CTNNBL1: variants seen among roughly 807,000 people sequenced by gnomAD.
The protein encoded by CTNNBL1 is catenin beta like 1, also known as beta-catenin-like protein 1.
CTNNBL1 carries 31 observed loss-of-function variants against 72.7 expected under a neutral mutation model. The ratio of observed to expected loss-of-function variants is 0.43; its 90% CI spans 0.32 to 0.58. The LOEUF (loss-of-function observed/expected upper bound fraction) is 0.58. Ranked by LOEUF, CTNNBL1 falls within the 20% of genes least tolerant of loss-of-function variation. The pLI, the probability that CTNNBL1 is intolerant of heterozygous loss-of-function variation, is 0.08. For synonymous variants in CTNNBL1, 240 were observed against 267.3 expected (o/e 0.90, Z 1.00); for missense variants, 534 against 725.1 (o/e 0.74, Z 3.03).
chr20:37,829,763 CTGGGAGAGCA>C (rs1385242889), intron 11 of CTNNBL1, among the ~76,000 whole-genome samples: 2 of 152,146 alleles, frequency 1.3e-5, no homozygotes, highest in African/African-American at 4.8e-5. Context: ...GCTCCTCTGG[CTGGGAGAGCA>C]TTTTCTCCAT....
chr20:37,787,595 T>C (rs1004772590), intron 10 of CTNNBL1, among the ~76,000 whole-genome samples: 23 of 152,174 alleles, frequency 1.5e-4, no homozygotes, highest in Admixed American at 6.5e-4. Context: ...CCGCACGCCT[T>C]GGCCTCCCAA....
At chr20:37,764,134 C>T (rs1220826120) in intron 5 of CTNNBL1, among the ~76,000 whole-genome samples, 3 of 152,066 alleles carry the variant, frequency 2.0e-5, no homozygotes, top group African/African-American at 7.2e-5. Flanking sequence ...TAGGGTAAGG[C>T]CTGTTACATA....
chr20:37,768,067 G>A (rs2073486647), intron 7 of CTNNBL1, 23 bp downstream of exon 7: 5 of 1,582,748 alleles, frequency 3.2e-6, no homozygotes, highest in Middle Eastern at 1.7e-4. Context: ...GTGGGGAACT[G>A]CAGCTCACAC....
At chr20:37,810,432 A>C (rs1213939102) in intron 11 of CTNNBL1, among the ~76,000 whole-genome samples, 2 of 151,386 alleles carry the variant, frequency 1.3e-5, no homozygotes, top group South Asian at 4.2e-4. Flanking sequence ...TGGATCTCGC[A>C]TAGCCCAGGT....
chr20:37,756,488 G>C (rs1276024397), intron 4 of CTNNBL1: 6 of 151,466 alleles, frequency 4.0e-5, no homozygotes, highest in Non-Finnish European at 8.8e-5. Context: ...GTGTGTGAGA[G>C]AGAGAGAGAG....
At chr20:37,824,641 A>C (rs900175525) in intron 11 of CTNNBL1, among the ~76,000 whole-genome samples, 1 of 152,270 alleles carries the variant, frequency 6.6e-6, no homozygotes, top group Non-Finnish European at 1.5e-5. Context: ...AAACAAGTCC[A>C]GAGGTCAGCA....
chr20:37,777,459 G>A (rs368643012), intron 8 of CTNNBL1, 42 bp downstream of exon 8: 15 of 1,593,274 alleles, frequency 9.4e-6, no homozygotes, highest in Non-Finnish European at 1.3e-5. Flanking sequence ...TAGGATAGGA[G>A]CCAGGCTTGT....
chr20:37,827,235 C>T (rs2072168320), intron 11 of CTNNBL1, among the ~76,000 whole-genome samples: 1 of 152,172 alleles, frequency 6.6e-6, no homozygotes, highest in African/African-American at 2.4e-5. Flanking sequence ...TTCCATTCTT[C>T]CTATTGACAG....
Position 37,840,019 on chromosome 20 carries a change from C to T in CTNNBL1, c.1214-83C>T, listed in dbSNP as rs143234502. 3.5e-5 allele frequency: 34 copies of T among 966,112 alleles called. No individual in the cohort carries two copies. In the African/African-American group the frequency reaches 5.0e-4, roughly 14 times the overall value. 59.8% of individuals were successfully genotyped at this position (966,112 alleles called of 1,614,324 possible). ...CAGAAAGGCCTACTTATTCTGCCCT[C>T]AATAGAACCAGACGAGGCTTGAAGA... On this transcript the variant is annotated intron_variant, in intron 11 of 15. Coordinates refer to ENST00000361383, the MANE Select transcript of CTNNBL1 (RefSeq NM_030877.5).
chr20:37,825,380 A>AT (rs2072150314), intron 11 of CTNNBL1, among the ~76,000 whole-genome samples: 2 of 151,320 alleles, frequency 1.3e-5, no homozygotes, highest in African/African-American at 4.9e-5. Flanking sequence ...AATAAAATAA[A>AT]AAGAGAAACT....
chr20:37,752,281 G>A (rs1235738585), intron 4 of CTNNBL1, among the ~76,000 whole-genome samples: 1 of 152,068 alleles, frequency 6.6e-6, no homozygotes, highest in Non-Finnish European at 1.5e-5. Context: ...TTTGATCTAG[G>A]ATGGGGATAA....
chr20:37,825,348 G>A (rs1026486712), intron 11 of CTNNBL1, among the ~76,000 whole-genome samples: 14 of 147,226 alleles, frequency 9.5e-5, no homozygotes, highest in South Asian at 6.8e-4. Flanking sequence ...ATGAGACTCC[G>A]TCTCAAAAAA....
intron 1 of CTNNBL1, among the ~76,000 whole-genome samples, chr20:37,731,880 G>A (rs2073131884): frequency 6.6e-6 from 1 of 152,158 alleles, no homozygotes; most frequent in Admixed American, 6.5e-5. Flanking sequence ...AATGAACAGG[G>A]CAGATATCTT....
chr20:37,768,034 A>G lies in CTNNBL1; in HGVS notation c.740A>G (p.Lys247Arg), dbSNP rs756417793. 22 of 1,613,888 alleles carry G rather than the reference A, an allele frequency of 1.4e-5. No homozygotes were observed. The South Asian group carries it at 1.9e-4, about 14-fold the overall frequency. The change falls in exon 7 of 16, where the codon AAG (lysine) becomes AGG (arginine). Residue 247 changes from lysine (K) to arginine (R), a missense_variant. Transcript: ENST00000361383. ...CAGGGTCTTCTACAGTGGCTGTTGA[A>G]GAGGCTGAAGGTGAGTTTGGCTGTG... ...AQQGLLQWLL[K>R]RLKAKMPFDA...
intron 4 of CTNNBL1, among the ~76,000 whole-genome samples, chr20:37,755,448 T>C (rs1044932677): frequency 6.6e-6 from 1 of 152,236 alleles, no homozygotes; most frequent in Non-Finnish European, 1.5e-5. Context: ...ATTTTTTAGA[T>C]GAAGATGCTA....
At chr20:37,757,502 T>G (rs1404548052) in intron 4 of CTNNBL1, 57 bp from the exon 5 acceptor site, 4 of 1,246,820 alleles carry the variant, frequency 3.2e-6, no homozygotes, top group Non-Finnish European at 4.7e-6. Flanking sequence ...GAATCAAGGA[T>G]TAAGAAAAAT....
intron 1 of CTNNBL1, among the ~76,000 whole-genome samples, chr20:37,712,750 C>T (rs1244932580): frequency 6.6e-6 from 1 of 152,206 alleles, no homozygotes; most frequent in African/African-American, 2.4e-5. Context: ...AGTTGGTTGG[C>T]AGGGACTTTT....
chr20:37,824,584 A>C (rs2072141485), intron 11 of CTNNBL1, among the ~76,000 whole-genome samples: 1 of 152,260 alleles, frequency 6.6e-6, no homozygotes, highest in African/African-American at 2.4e-5. Flanking sequence ...AATAACAATG[A>C]TTTAAACAAA....
chr20:37,724,258 C>G (rs186517016), intron 1 of CTNNBL1, among the ~76,000 whole-genome samples: 44 of 152,072 alleles, frequency 2.9e-4, no homozygotes, highest in African/African-American at 1.1e-3. Context: ...GTGTATACCC[C>G]CCTCTTCTCC....
Sources: allele counts gnomAD v4.1 joint callset (sites outside exome capture counted in the v4.1 genomes callset), GRCh38; gene constraint gnomAD v4.1.1; transcripts MANE v1.5; gene names NCBI Gene and HGNC (gene_info 2026-07-23, HGNC 2026-07-21).